POLR3B: variants seen among roughly 807,000 people sequenced by gnomAD.
POLR3B encodes the protein DNA-directed RNA polymerase III subunit RPC2.
In POLR3B, 96 loss-of-function variants were observed where a neutral mutation model predicts 147.4. The observed-to-expected ratio is 0.65, with a 90% CI of 0.55 to 0.77. POLR3B has a LOEUF of 0.77. Ranked by LOEUF, POLR3B falls within the 30% of genes least tolerant of loss-of-function variation. The pLI is 0.00. For synonymous variants in POLR3B, 461 were observed against 485.9 expected (o/e 0.95, Z 0.67); for missense variants, 1,036 against 1,413.5 (o/e 0.73, Z 4.28).
chr12:106,500,010 A>G (rs2038572063), intron 25 of POLR3B: 1 of 448,358 alleles, frequency 2.2e-6, no homozygotes, highest in Non-Finnish European at 4.5e-6. Context: ...TCCAAATCAG[A>G]CCAGTGTTGC....
At chr12:106,429,882 T>G (rs1323261481) in intron 13 of POLR3B, among the ~76,000 whole-genome samples, 2 of 152,228 alleles carry the variant, frequency 1.3e-5, no homozygotes, top group Admixed American at 1.3e-4. Flanking sequence ...CTCTTTGAGC[T>G]TCATACTAGT....
intron 23 of POLR3B, among the ~76,000 whole-genome samples, chr12:106,484,480 AAAG>A (rs1158040593): frequency 1.3e-5 from 2 of 152,104 alleles, no homozygotes; most frequent in African/African-American, 4.8e-5. Flanking sequence ...AACAGACAAA[AAAG>A]AAGTAAACAA....
chr12:106,506,951 C>T (rs1048002873), intron 27 of POLR3B, among the ~76,000 whole-genome samples: 3 of 152,120 alleles, frequency 2.0e-5, no homozygotes, highest in African/African-American at 7.2e-5. Flanking sequence ...ATGAGCCACA[C>T]AATGAAGGCT....
intron 9 of POLR3B, among the ~76,000 whole-genome samples, chr12:106,387,927 G>A (rs1343984617): frequency 6.6e-6 from 1 of 152,132 alleles, no homozygotes; most frequent in African/African-American, 2.4e-5. Flanking sequence ...TCAGAAACCC[G>A]GGAAAACAAA....
chr12:106,474,748 TTCTC>T (rs1169949754), intron 23 of POLR3B, among the ~76,000 whole-genome samples: 2 of 146,988 alleles, frequency 1.4e-5, no homozygotes, highest in Non-Finnish European at 3.0e-5. Flanking sequence ...TATTTGATTC[TTCTC>T]TCTTTTTTTC....
chr12:106,390,262 C>G (rs1351971217), intron 9 of POLR3B, among the ~76,000 whole-genome samples: 1 of 96,288 alleles, frequency 1.0e-5, no homozygotes, highest in Non-Finnish European at 2.0e-5. Context: ...CAGAAAAACT[C>G]TCTCCCCCCC....
At chr12:106,394,843 G>A (rs1399442460) in intron 10 of POLR3B, among the ~76,000 whole-genome samples, 1 of 152,128 alleles carries the variant, frequency 6.6e-6, no homozygotes, top group East Asian at 1.9e-4. Context: ...CTGTGTGCAG[G>A]ATTAAGGCAC....
chr12:106,362,465 C>G (rs1194480829), intron 1 of POLR3B, among the ~76,000 whole-genome samples: 1 of 152,146 alleles, frequency 6.6e-6, no homozygotes. Context: ...GAGCTGGCTC[C>G]TTCTGAGGGC....
chr12:106,493,860 G>A (rs146237816), intron 23 of POLR3B, among the ~76,000 whole-genome samples: 123 of 152,320 alleles, frequency 8.1e-4, no homozygotes, highest in African/African-American at 2.9e-3. Flanking sequence ...AGGGCTGTCT[G>A]CTATGGGAAC....
chr12:106,410,961 G>A lies in POLR3B; in HGVS notation c.1101+1G>A, dbSNP rs773891661. 5 of 1,610,574 alleles carry A rather than the reference G, an allele frequency of 3.1e-6. No homozygotes were observed. Among genetic ancestry groups the A allele is most frequent in the Non-Finnish European group, 4.2e-6 (5 of 1,177,236 alleles). On this transcript the variant is annotated splice_donor_variant, in intron 12 of 27. Coordinates refer to ENST00000228347, the MANE Select transcript of POLR3B (RefSeq NM_018082.6). LOFTEE classifies it high-confidence loss of function. ...CAAGCGACTGGAATTGGCAGGACAG[G>A]TGATTTAATATTTTATGTCAGAAAT...
At chr12:106,505,139 T>G (rs1056105882) in intron 27 of POLR3B, among the ~76,000 whole-genome samples, 1 of 152,244 alleles carries the variant, frequency 6.6e-6, no homozygotes, top group Non-Finnish European at 1.5e-5. Flanking sequence ...GGATGTTTTT[T>G]GTTTTTGTGC....
At position 106,444,453 on chromosome 12, in the gene POLR3B, A is replaced by C; in HGVS notation, c.1956-10A>C. 5 of 1,613,730 alleles carry C rather than the reference A, an allele frequency of 3.1e-6. No individual in the cohort carries two copies. Among genetic ancestry groups the C allele is most frequent in the Non-Finnish European group, 4.2e-6 (5 of 1,179,798 alleles). Reference sequence around the variant, plus strand: ...TGCTTAAGATATGTGATTTTTACTTAACTTGTTAGAGACACCACCCACTTG... The same window carrying C: ...TGCTTAAGATATGTGATTTTTACTTCACTTGTTAGAGACACCACCCACTTG... On this transcript the variant is annotated splice_polypyrimidine_tract_variant and intron_variant, in intron 18 of 27. Transcript: ENST00000228347.
At chr12:106,446,280 G>A (rs1025563944) in intron 19 of POLR3B, 3 of 455,716 alleles carry the variant, frequency 6.6e-6, no homozygotes, top group East Asian at 6.9e-5. Context: ...TCACTTCATC[G>A]CTAATGCCAC....
intron 1 of POLR3B, among the ~76,000 whole-genome samples, chr12:106,361,323 G>A (rs2036467183): frequency 6.6e-6 from 1 of 152,200 alleles, no homozygotes; most frequent in African/African-American, 2.4e-5. Flanking sequence ...TGTTGATTAA[G>A]AAGAGTCAGA....
intron 18 of POLR3B, among the ~76,000 whole-genome samples, chr12:106,440,725 C>T (rs1565897420): frequency 1.4e-5 from 2 of 143,256 alleles, no homozygotes; most frequent in Non-Finnish European, 3.1e-5. Context: ...CTCTTTACTA[C>T]TTTTTTTTTT....
intron 25 of POLR3B, 147 bp from the exon 26 acceptor site, chr12:106,501,176 C>G (rs1462382241): frequency 1.0e-5 from 7 of 672,162 alleles, no homozygotes. Flanking sequence ...ATTTTTACAA[C>G]TAGTCTTTTC....
At chr12:106,419,668 A>G (rs1363970106) in intron 12 of POLR3B, among the ~76,000 whole-genome samples, 5 of 152,074 alleles carry the variant, frequency 3.3e-5, no homozygotes, top group Non-Finnish European at 7.4e-5. Context: ...AAGAAAAAAG[A>G]TGTGTACAAA....
chr12:106,469,269 C>CTG (rs2038053676), intron 23 of POLR3B, among the ~76,000 whole-genome samples: 1 of 128,430 alleles, frequency 7.8e-6, no homozygotes, highest in Non-Finnish European at 1.6e-5. Context: ...GCAACCCCTG[C>CTG]TTTTTTTTTT....
intron 9 of POLR3B, among the ~76,000 whole-genome samples, chr12:106,384,830 CTTTT>C (rs576719116): frequency 7.1e-6 from 1 of 140,736 alleles, no homozygotes; most frequent in Non-Finnish European, 1.6e-5. Flanking sequence ...TATTAAATGT[CTTTT>C]TTTTTTTTTT....
Sources: gnomAD v4.1 joint callset for allele counts (sites outside exome capture counted in the v4.1 genomes callset) on GRCh38, gnomAD v4.1.1 for gene constraint, MANE v1.5 for transcripts, NCBI Gene and HGNC (gene_info 2026-07-23, HGNC 2026-07-21) for gene names.